POLK: variants seen among roughly 807,000 people sequenced by gnomAD.
POLK encodes the protein DNA polymerase kappa, also known as polymerase (DNA directed) kappa.
A neutral mutation model predicts 94.0 loss-of-function variants in POLK; 76 were observed. That is an observed-to-expected ratio of 0.81 (90% CI 0.67 to 0.98). POLK has a LOEUF of 0.98. Ranked by LOEUF, POLK falls within the 50% of genes least tolerant of loss-of-function variation. POLK has a pLI of 0.00. For synonymous variants in POLK, 349 were observed against 325.4 expected, an observed-to-expected ratio of 1.07 and a Z score of -0.78; for missense variants, 954 against 1,010.1, an observed-to-expected ratio of 0.94 and a Z score of 0.75.
At chr5:75,519,559 C>A (rs1373148171) in intron 1 of POLK, among the ~76,000 whole-genome samples, 1 of 152,158 alleles carries the variant, frequency 6.6e-6, no homozygotes, top group Non-Finnish European at 1.5e-5. Context: ...CTTGGGTATT[C>A]TGGTATTGGA....
At chr5:75,515,479 A>C (rs1768279531) in intron 1 of POLK, among the ~76,000 whole-genome samples, 1 of 152,148 alleles carries the variant, frequency 6.6e-6, no homozygotes, top group Non-Finnish European at 1.5e-5. Context: ...GCTAAATTCC[A>C]TTGTGTATAT....
At chr5:75,579,514 T>C (rs1160950414) in intron 6 of POLK, among the ~76,000 whole-genome samples, 3 of 151,674 alleles carry the variant, frequency 2.0e-5, no homozygotes, top group Admixed American at 6.6e-5. Context: ...TGCGCCACCA[T>C]TCCTGGCTCA....
chr5:75,541,716 A>G (rs73120850), intron 1 of POLK, among the ~76,000 whole-genome samples: 10,828 of 152,246 alleles, frequency 0.071, 874 homozygotes, highest in African/African-American at 0.19. Flanking sequence ...CCAGTCTAAA[A>G]TAATTTTTAA....
chr5:75,570,308 A>G (rs945555757), intron 4 of POLK, among the ~76,000 whole-genome samples: 26 of 152,212 alleles, frequency 1.7e-4, no homozygotes, highest in African/African-American at 6.0e-4. Flanking sequence ...CGTTCTAGTT[A>G]AAGAGAGTTG....
chr5:75,530,648 A>G (rs528466318), intron 1 of POLK, among the ~76,000 whole-genome samples: 11 of 151,546 alleles, frequency 7.3e-5, no homozygotes, highest in East Asian at 1.9e-4. Context: ...AACTTTTACA[A>G]TTATTGTGTT....
intron 1 of POLK, chr5:75,512,834 A>C (rs897559210): frequency 6.6e-6 from 1 of 152,268 alleles, no homozygotes; most frequent in African/African-American, 2.4e-5. Flanking sequence ...TTCGAGTCTA[A>C]GGGAAAACGC....
At chr5:75,563,412 TC>T (rs1243026444) in intron 3 of POLK, among the ~76,000 whole-genome samples, 1 of 152,204 alleles carries the variant, frequency 6.6e-6, no homozygotes, top group Non-Finnish European at 1.5e-5. Flanking sequence ...TTTGCTCTGA[TC>T]TCAGTTATTT....
At chr5:75,524,278 T>A (rs537225160) in intron 1 of POLK, among the ~76,000 whole-genome samples, 19 of 152,262 alleles carry the variant, frequency 1.2e-4, no homozygotes, top group African/African-American at 4.6e-4. Context: ...CAGAATAGGT[T>A]TAAATCTAGG....
At chr5:75,511,356 C>T, upstream of POLK, 1 of 1,541,962 alleles carries the variant, frequency 6.5e-7, no homozygotes, top group Non-Finnish European at 8.7e-7. Flanking sequence ...GGACGAAGTC[C>T]GCCCGCCGCG....
exon 11 of POLK, chr5:75,590,350 C>G (rs1302522999): frequency 6.4e-7 from 1 of 1,571,282 alleles, no homozygotes; most frequent in Non-Finnish European, 8.7e-7. Flanking sequence ...CTAGGACATT[C>G]AGTGAGATAA....
rs143738610 is a variant in POLK, at chr5:75,532,393, G to A, written c.-13-14617G>A. Among the ~76,000 whole-genome samples, 8 of 151,690 alleles carry A rather than the reference G, an allele frequency of 5.3e-5. No individual in the cohort carries two copies. In the East Asian group the frequency reaches 1.6e-3, roughly 29 times the overall value. ...GATGACCTCCAGCTCCATCCATTTT[G>A]CCTCAAAGGAGATGATCTCATCCTT... On this transcript the variant is annotated intron_variant, in intron 1 of 14. Transcript: ENST00000241436.
At chr5:75,606,160 A>G in the POLK span, among the ~76,000 whole-genome samples, 1 of 46,610 alleles carries the variant, frequency 2.1e-5, no homozygotes, top group Admixed American at 2.6e-4. Flanking sequence ...ATGCATACAC[A>G]TAAACATCTC....
At chr5:75,528,158 A>G (rs1768964288) in intron 1 of POLK, among the ~76,000 whole-genome samples, 1 of 152,212 alleles carries the variant, frequency 6.6e-6, no homozygotes, top group Admixed American at 6.5e-5. Context: ...GATGAAATCT[A>G]CTATGTCTAA....
intron 6 of POLK, among the ~76,000 whole-genome samples, chr5:75,578,516 A>G (rs927487435): frequency 6.6e-6 from 1 of 152,172 alleles, no homozygotes; most frequent in African/African-American, 2.4e-5. Context: ...GTGAATTTTT[A>G]ATATCTATTG....
At chr5:75,583,355 T>A in exon 8 of POLK, 1 of 1,604,810 alleles carries the variant, frequency 6.2e-7, no homozygotes, top group Non-Finnish European at 8.5e-7. Context: ...AAATGGACAA[T>A]ACCAAATTCT....
At chr5:75,589,872 C>T (rs543977634) in intron 10 of POLK, among the ~76,000 whole-genome samples, 153 of 152,274 alleles carry the variant, frequency 1.0e-3, no homozygotes, top group African/African-American at 3.4e-3. Flanking sequence ...CTATTTTCAG[C>T]TGTCTATTAA....
At chr5:75,579,709 A>C (rs1053811014) in intron 6 of POLK, among the ~76,000 whole-genome samples, 3 of 152,064 alleles carry the variant, frequency 2.0e-5, no homozygotes, top group African/African-American at 4.8e-5. Flanking sequence ...TTAAAAAATG[A>C]CAGGAACTGA....
intron 1 of POLK, among the ~76,000 whole-genome samples, chr5:75,532,967 T>A (rs1353333423): frequency 1.3e-5 from 2 of 152,228 alleles, no homozygotes; most frequent in African/African-American, 4.8e-5. Flanking sequence ...TTTCAGTTCC[T>A]TACAGATGCT....
At chr5:75,573,892 C>G (rs1771733070) in intron 5 of POLK, 23 bp downstream of exon 5, 1 of 1,611,288 alleles carries the variant, frequency 6.2e-7, no homozygotes, top group South Asian at 1.1e-5. Context: ...CTCACCCCTA[C>G]TTTAGGCTTT....
Sources: allele counts gnomAD v4.1 joint callset (sites outside exome capture counted in the v4.1 genomes callset), GRCh38; gene constraint gnomAD v4.1.1; transcripts MANE v1.5; gene names NCBI Gene and HGNC (gene_info 2026-07-23, HGNC 2026-07-21).